The following COL13A1 variants were observed in gnomAD, a reference collection of about 807,000 sequenced individuals.
COL13A1 encodes collagen alpha-1(XIII) chain.
Under a neutral mutation model 130.9 loss-of-function variants are expected in COL13A1, and 89 were observed. The observed-to-expected ratio is 0.68, with a 90% confidence interval of 0.57 to 0.81. The LOEUF is 0.81. Among genes scored for constraint, COL13A1 ranks in the 30% least tolerant of loss-of-function variants. COL13A1 has a pLI of 0.00. For synonymous variants in COL13A1, 402 were observed against 341.6 expected (o/e 1.18, Z -1.95); for missense variants, 879 against 934.6 (o/e 0.94, Z 0.78).
chr10:69,904,240 G>A (rs141625939), intron 15 of COL13A1, among the ~76,000 whole-genome samples: 147 of 152,198 alleles, frequency 9.7e-4, no homozygotes, highest in Middle Eastern at 3.4e-3. Context: ...AACACTTGGG[G>A]CTCTCATCCA....
At chr10:69,924,868 G>A (rs1565079995) in intron 24 of COL13A1, 95 bp from the exon 25 acceptor site, 1 of 1,264,388 alleles carries the variant, frequency 7.9e-7, no homozygotes, top group South Asian at 1.7e-5. Flanking sequence ...GAGCTAAGAT[G>A]AGCCTCCTGG....
chr10:69,839,973 A>T (rs1316656113), intron 2 of COL13A1, among the ~76,000 whole-genome samples: 1 of 152,232 alleles, frequency 6.6e-6, no homozygotes, highest in Admixed American at 6.5e-5. Flanking sequence ...CAGAGAATGG[A>T]TTACAAAGGC....
At chr10:69,853,198 G>A (rs1312367322) in intron 2 of COL13A1, among the ~76,000 whole-genome samples, 2 of 152,198 alleles carry the variant, frequency 1.3e-5, no homozygotes, top group Non-Finnish European at 2.9e-5. Context: ...ATGAGGAGGG[G>A]AAGCCACCAG....
rs1444014996 is a variant in COL13A1 at position 69,928,939 on chromosome 10, G to A, written c.1425G>A (p.Gly475=). 3 of 1,612,522 alleles carry A rather than the reference G, an allele frequency of 1.9e-6. No individual in the cohort carries two copies. The highest frequency in any genetic ancestry group is 1.7e-5 in the Admixed American group (1 of 59,932). Residue 475 remains glycine, a splice_region_variant and synonymous_variant, in exon 28 of 41, where the codon GGG becomes GGA. Coordinates refer to ENST00000645393, the MANE Select transcript of COL13A1 (RefSeq NM_001368882.1). ...TGTGTCTTTCCTTTCTCTCCTAGGG[G>A]CCTCCTGGTCTTCCTGGGCAAATTG... ...LQEIRTLALM[G]PPGLPGQIGP... is the part of the protein sequence containing the mutation.
intron 14 of COL13A1, 91 bp downstream of exon 14, chr10:69,898,853 C>G: frequency 1.0e-6 from 1 of 969,770 alleles, no homozygotes; most frequent in Non-Finnish European, 1.5e-6. Flanking sequence ...GAACCTCTCT[C>G]TAATTCAGTG....
In COL13A1 at chr10:69,880,441, C is replaced by T. The variant is rs72805165; in HGVS notation, c.463-62C>T. On this transcript the variant is annotated intron_variant, in intron 6 of 40. Coordinates refer to ENST00000645393, the MANE Select transcript of COL13A1 (RefSeq NM_001368882.1). ...CCTTCCCTTTGGTTCCTCTCTTTCC[C>T]GCTCCTCTTCTCCATACCTCCCTGC... is the stretch of plus-strand genomic sequence containing the variant. The T allele has an allele frequency of 2.7e-3, 2,600 of 966,672 alleles. 5 individuals are homozygous for T. The highest frequency in any genetic ancestry group is 3.7e-3 in the Non-Finnish European group (2,224 of 599,556). 59.9% of individuals were successfully genotyped at this position (966,672 alleles called of 1,614,324 possible).
At position 69,930,441 on chromosome 10, in the gene COL13A1, C is replaced by T. The variant is rs748956580; in HGVS notation, c.1572C>T (p.Pro524=). Reference sequence around the variant, plus strand: ...CAGGAGACATGGGCCCTCCTGGTCCCCAAGGCCCCCCAGGAAAGGATGGAC... The same window carrying T: ...CAGGAGACATGGGCCCTCCTGGTCCTCAAGGCCCCCCAGGAAAGGATGGAC... ...GKPGDMGPPG[P]QGPPGKDGPP... is the part of the protein sequence containing the mutation. Residue 524 remains proline (P), a synonymous_variant, in exon 30 of 41, where the codon CCC becomes CCT. Transcript: ENST00000645393. 6.2e-7 allele frequency: 1 copy of T among 1,613,646 alleles called. No individual in the cohort carries two copies. Among genetic ancestry groups the T allele is most frequent in the South Asian group, 1.1e-5 (1 of 91,058 alleles).
Position 69,932,604 on chromosome 10 carries a change from G to A in COL13A1, c.1728G>A (p.Glu576=), listed in dbSNP as rs1211281537. The A allele has an allele frequency of 1.8e-5, 29 of 1,602,426 alleles. No homozygotes were observed. Among genetic ancestry groups the A allele is most frequent in the Non-Finnish European group, 2.5e-5 (29 of 1,169,778 alleles). The change falls in exon 31 of 41, where the codon GAG becomes GAA. Residue 576 remains glutamate, a splice_region_variant and synonymous_variant. Coordinates refer to ENST00000645393, the MANE Select transcript of COL13A1 (RefSeq NM_001368882.1). ...GGGAGAAGGGCAATCCAGGAGCAGA[G>A]GTACATGAGAGATAATTTGACAGAG... is the stretch of plus-strand genomic sequence containing the variant. ...EAGEKGNPGA[E]VPGLPGPEGP...
chr10:69,853,212 C>G (rs927466476), intron 2 of COL13A1, among the ~76,000 whole-genome samples: 1 of 152,204 alleles, frequency 6.6e-6, no homozygotes, highest in Non-Finnish European at 1.5e-5. Context: ...CCACCAGAGA[C>G]GCCTCACCCT....
intron 15 of COL13A1, among the ~76,000 whole-genome samples, chr10:69,904,077 G>T (rs563727140): frequency 1.3e-5 from 2 of 152,156 alleles, no homozygotes; most frequent in East Asian, 1.9e-4. Context: ...ACCCCAGAGA[G>T]GGGGGTTAGT....
chr10:69,894,620 G>A (rs372679803), intron 11 of COL13A1, 42 bp downstream of exon 11: 35 of 1,613,986 alleles, frequency 2.2e-5, no homozygotes, highest in East Asian at 8.9e-5. Context: ...AGAAGCTTCC[G>A]GTGGCTGTGA....
rs897277393 is a variant in COL13A1 at position 69,802,547 on chromosome 10, C to T, written c.124C>T (p.Pro42Ser). 2 of 1,608,322 alleles carry T rather than the reference C, an allele frequency of 1.2e-6. No homozygotes were observed. The highest frequency in any genetic ancestry group is 8.5e-7 in the Non-Finnish European group (1 of 1,177,734). The change falls in exon 1 of 41, where the codon CCA (proline) becomes TCA (serine). Residue 42 changes from proline (P) to serine (S), a missense_variant. Physicochemically the swap from Pro to Ser is moderately conservative, Grantham distance 74. Around this residue, in one of 3 missense-constraint regions of COL13A1, gnomAD observed 715 missense variants for 721.0 expected, o/e 0.99. Transcript: ENST00000645393. ...GGAGCGCGGCGCACGGCTGCCGAGTCCAGGGTCGTGCGGGCTGCTGACGCT... is the reference window on the plus strand; with the variant it reads ...GGAGCGCGGCGCACGGCTGCCGAGTTCAGGGTCGTGCGGGCTGCTGACGCT... Reference protein sequence around the residue: ...RAERGARLPSPGSCGLLTLAL... With the variant: ...RAERGARLPSSGSCGLLTLAL...
At chr10:69,845,189 CTTTTT>C (rs1852676561) in intron 2 of COL13A1, among the ~76,000 whole-genome samples, 1 of 88,622 alleles carries the variant, frequency 1.1e-5, no homozygotes, top group Non-Finnish European at 2.4e-5. Context: ...CTTTTCTTTT[CTTTTT>C]CTTTTTTTTT....
At chr10:69,822,338 G>T (rs767336075) in intron 1 of COL13A1, 31 bp from the exon 2 acceptor site, 1 of 1,545,930 alleles carries the variant, frequency 6.5e-7, no homozygotes, top group South Asian at 1.2e-5. Flanking sequence ...ACGAGCTCCT[G>T]GTGACTCCTC....
chr10:69,921,971 C>T (rs1445771397), intron 22 of COL13A1, 36 bp downstream of exon 22: 3 of 1,577,862 alleles, frequency 1.9e-6, no homozygotes, highest in South Asian at 1.2e-5. Flanking sequence ...TCAAGTCCTT[C>T]GTCACCCACA....
chr10:69,939,228 C>A (rs368490598), intron 34 of COL13A1, among the ~76,000 whole-genome samples: 2 of 152,230 alleles, frequency 1.3e-5, no homozygotes, highest in African/African-American at 2.4e-5. Context: ...ACCGTGTATC[C>A]CTTCTTAAGG....
At chr10:69,864,647 A>T (rs951348793) in intron 2 of COL13A1, among the ~76,000 whole-genome samples, 1 of 152,268 alleles carries the variant, frequency 6.6e-6, no homozygotes, top group Admixed American at 6.5e-5. Flanking sequence ...ATGAACGAAC[A>T]TACAAAAAGT....
At chr10:69,926,374 T>C (rs2065358073) in intron 26 of COL13A1, among the ~76,000 whole-genome samples, 1 of 152,160 alleles carries the variant, frequency 6.6e-6, no homozygotes, top group Admixed American at 6.5e-5. Flanking sequence ...AGAATCTTTG[T>C]GGTGGGGGGA....
rs183138448 is a variant in COL13A1 at position 69,918,293 on chromosome 10, C to A, written c.975C>A (p.Pro325=). 1.1e-3 allele frequency: 1,745 copies of A among 1,612,796 alleles called. 2 individuals carry two copies. Among genetic ancestry groups the A allele is most frequent in the Non-Finnish European group, 1.2e-3 (1,463 of 1,179,456 alleles). Residue 325 remains proline (P), a synonymous_variant, in exon 19 of 41, where the codon CCC becomes CCA. Coordinates refer to ENST00000645393, the MANE Select transcript of COL13A1 (RefSeq NM_001368882.1). ...TTTTCTCTCTCTGCCAGGGGGCGCC[C>A]GGAATTGCCGTGGCTGGGATGAAGG... ...MPGKHGAKGA[P]GIAVAGMKGE...
Sources: allele counts gnomAD v4.1 joint callset (sites outside exome capture counted in the v4.1 genomes callset), GRCh38; gene constraint gnomAD v4.1.1; regional missense constraint gnomAD v4.1.1; transcripts MANE v1.5; gene names NCBI Gene and HGNC (gene_info 2026-07-23, HGNC 2026-07-21).